The following IL10RB variants were observed in gnomAD, a reference collection of about 807,000 sequenced individuals.
IL10RB encodes the protein interleukin-10 receptor subunit beta.
Under a neutral mutation model 38.7 loss-of-function variants are expected in IL10RB, and 30 were observed. The observed-to-expected ratio is 0.78, with a 90% CI of 0.58 to 1.05. The LOEUF (loss-of-function observed/expected upper bound fraction) is 1.05. Ranked by LOEUF, IL10RB falls within the 50% of genes least tolerant of loss-of-function variation. The pLI is 0.00. For synonymous variants in IL10RB, 142 were observed against 145.9 expected (o/e 0.97, Z 0.19); for missense variants, 328 against 397.1 (o/e 0.83, Z 1.48).
At chr21:33,279,386 A>G (rs1989238255) in intron 3 of IL10RB, among the ~76,000 whole-genome samples, 1 of 152,248 alleles carries the variant, frequency 6.6e-6, no homozygotes, top group Non-Finnish European at 1.5e-5. Context: ...GAAAAAGGAA[A>G]TAAAATTCAA....
At chr21:33,273,993 T>C (rs1439328345) in intron 2 of IL10RB, among the ~76,000 whole-genome samples, 1 of 152,198 alleles carries the variant, frequency 6.6e-6, no homozygotes, top group African/African-American at 2.4e-5. Flanking sequence ...AGGGTTGGAA[T>C]CAGCTTCTTC....
intron 6 of IL10RB, among the ~76,000 whole-genome samples, chr21:33,289,046 G>A (rs1219619203): frequency 6.6e-6 from 1 of 152,218 alleles, no homozygotes; most frequent in Non-Finnish European, 1.5e-5. Context: ...CACAACAGAG[G>A]CCTCAGCCAA....
chr21:33,288,375 G>GCACACA (rs1460963409), intron 6 of IL10RB, 114 bp downstream of exon 6: 45 of 673,232 alleles, frequency 6.7e-5, no homozygotes, highest in East Asian at 4.3e-4. Flanking sequence ...ACACACACGC[G>GCACACA]CGCGCGCACA....
At chr21:33,290,057 T>G (rs1289094791) in intron 6 of IL10RB, among the ~76,000 whole-genome samples, 3 of 151,720 alleles carry the variant, frequency 2.0e-5, no homozygotes, top group Non-Finnish European at 2.9e-5. Context: ...GAGCTGGCAG[T>G]GAGCCAAGAT....
chr21:33,270,001 T>C (rs1315803420), intron 2 of IL10RB, among the ~76,000 whole-genome samples: 1 of 151,836 alleles, frequency 6.6e-6, no homozygotes, highest in Non-Finnish European at 1.5e-5. Flanking sequence ...TCTCCCTTCC[T>C]CTCTCTCTCT....
chr21:33,280,705 A>G (rs1457580891), intron 4 of IL10RB, among the ~76,000 whole-genome samples: 3 of 152,106 alleles, frequency 2.0e-5, no homozygotes, highest in Non-Finnish European at 4.4e-5. Context: ...TGACATATAT[A>G]TGTTATGTAT....
chr21:33,304,355 G>A (rs1458762195), intron 1 of IL10RB, among the ~76,000 whole-genome samples: 2 of 152,220 alleles, frequency 1.3e-5, no homozygotes, highest in African/African-American at 2.4e-5. Context: ...AAAGCCTGAA[G>A]GCAGGGAAAT....
intron 6 of IL10RB, among the ~76,000 whole-genome samples, chr21:33,293,332 C>T (rs777145115): frequency 3.9e-5 from 6 of 152,390 alleles, no homozygotes; most frequent in Non-Finnish European, 5.9e-5. Context: ...ACCGAGGCAA[C>T]TGCCTTCTGG....
At chr21:33,277,942 G>A (rs1989206477) in intron 3 of IL10RB, among the ~76,000 whole-genome samples, 1 of 149,432 alleles carries the variant, frequency 6.7e-6, no homozygotes, top group African/African-American at 2.5e-5. Context: ...CAAAGTGCTG[G>A]GATTACAGAC....
At chr21:33,276,205 T>A (rs1192800077) in intron 2 of IL10RB, among the ~76,000 whole-genome samples, 1 of 152,182 alleles carries the variant, frequency 6.6e-6, no homozygotes, top group African/African-American at 2.4e-5. Context: ...AGTATCATTA[T>A]CTTAGGGCAT....
intron 1 of IL10RB, chr21:33,268,057 C>G (rs913911241): frequency 2.3e-6 from 1 of 426,072 alleles, no homozygotes; most frequent in African/African-American, 2.1e-5. Context: ...TTTTATGCAT[C>G]AAATGTATCA....
intron 5 of IL10RB, among the ~76,000 whole-genome samples, chr21:33,286,282 C>G (rs776378147): frequency 1.2e-4 from 19 of 152,202 alleles, no homozygotes; most frequent in Non-Finnish European, 2.5e-4. Flanking sequence ...GCTCTTTGAT[C>G]CCTGTGTCCC....
At chr21:33,276,541 T>A in intron 2 of IL10RB, 55 bp from the exon 3 acceptor site, 1 of 1,440,384 alleles carries the variant, frequency 6.9e-7, no homozygotes, top group Non-Finnish European at 9.8e-7. Context: ...CCAGTCAGCC[T>A]CAGGGAGACT....
At chr21:33,299,152 C>G (rs529840479), downstream of IL10RB, among the ~76,000 whole-genome samples, 2 of 152,318 alleles carry the variant, frequency 1.3e-5, no homozygotes, top group East Asian at 1.9e-4. Flanking sequence ...AGGAAGCTCT[C>G]TCTTCTTTCT....
chr21:33,279,662 G>A, intron 3 of IL10RB, 90 bp from the exon 4 acceptor site: 1 of 1,082,492 alleles, frequency 9.2e-7, no homozygotes. Context: ...TACTTCCGTG[G>A]ACTAATTGTT....
At chr21:33,309,500 T>C (rs550628121) in exon 2 of IL10RB, 1 of 152,336 alleles carries the variant, frequency 6.6e-6, no homozygotes, top group East Asian at 1.9e-4. Context: ...GTTCATAATC[T>C]TTTATTACCT....
intron 2 of IL10RB, among the ~76,000 whole-genome samples, chr21:33,270,212 G>A (rs1357020534): frequency 6.6e-6 from 1 of 152,142 alleles, no homozygotes; most frequent in Non-Finnish European, 1.5e-5. Flanking sequence ...TTTTCCTGAT[G>A]TGCATTTTCT....
intron 2 of IL10RB, among the ~76,000 whole-genome samples, chr21:33,272,212 T>C (rs553846414): frequency 2.2e-4 from 33 of 152,346 alleles, no homozygotes; most frequent in Admixed American, 8.5e-4. Flanking sequence ...TGAGATGTGA[T>C]GTGCTACCTT....
intron 1 of IL10RB, among the ~76,000 whole-genome samples, chr21:33,305,032 G>T (rs1452734417): frequency 6.6e-6 from 1 of 152,204 alleles, no homozygotes; most frequent in African/African-American, 2.4e-5. Context: ...AAGGTAAAGA[G>T]CCTATTCTAC....
Sources: allele counts gnomAD v4.1 joint callset (sites outside exome capture counted in the v4.1 genomes callset), GRCh38; gene constraint gnomAD v4.1.1; transcripts MANE v1.5; gene names NCBI Gene and HGNC (gene_info 2026-07-23, HGNC 2026-07-21).